RTL4: variants seen among roughly 807,000 people sequenced by gnomAD.
The protein encoded by RTL4 is retrotransposon Gag like 4.
A neutral mutation model predicts 5.3 loss-of-function variants in RTL4; 4 were observed. That is an observed-to-expected ratio of 0.75 (90% CI 0.37 to 1.72). RTL4 has a LOEUF of 1.72. Ranked by LOEUF, RTL4 falls within the 40% of genes most tolerant of loss-of-function variation. RTL4 has a pLI of 0.04. For synonymous variants in RTL4, 98 were observed against 87.3 expected (o/e 1.12, Z -0.68); for missense variants, 260 against 227.1 (o/e 1.14, Z -0.93).
At chrX:112,178,259 C>A in the RTL4 span, among the ~76,000 whole-genome samples, 1 of 111,567 alleles carries the variant, frequency 9.0e-6, no homozygotes, top group African/African-American at 3.3e-5. Flanking sequence ...AAGAGCCCAG[C>A]CCCATGTAAG....
At chrX:112,369,365 T>G in the RTL4 span, among the ~76,000 whole-genome samples, 1 of 111,687 alleles carries the variant, frequency 9.0e-6, no homozygotes, top group South Asian at 3.8e-4. Context: ...CCCTCAGGCT[T>G]GGACTATCCA....
chrX:112,153,685 A>G, the RTL4 span, among the ~76,000 whole-genome samples: 14 of 111,676 alleles, frequency 1.3e-4, no homozygotes, highest in African/African-American at 2.6e-4. Flanking sequence ...TGGCTGTTTC[A>G]GTATAGAATG....
At chrX:112,263,369 A>G in the RTL4 span, among the ~76,000 whole-genome samples, 1 of 110,713 alleles carries the variant, frequency 9.0e-6, no homozygotes, top group African/African-American at 3.3e-5. Context: ...ATGAATGGCC[A>G]GAAAATGAGC....
At chrX:112,457,441 G>T (rs1258949400), downstream of RTL4, among the ~76,000 whole-genome samples, 1 of 111,438 alleles carries the variant, frequency 9.0e-6, no homozygotes, top group Non-Finnish European at 1.9e-5. Flanking sequence ...GCTATTGAAC[G>T]TAGAGTGACT....
the RTL4 span, among the ~76,000 whole-genome samples, chrX:112,120,522 C>G: frequency 5.5e-5 from 6 of 109,518 alleles, no homozygotes; most frequent in African/African-American, 2.0e-4. Context: ...GTGATCTGCC[C>G]ACCTTGGCCT....
chrX:112,175,776 C>G, the RTL4 span, among the ~76,000 whole-genome samples: 1 of 111,071 alleles, frequency 9.0e-6, no homozygotes, highest in African/African-American at 3.3e-5. Flanking sequence ...CAATATCATA[C>G]TGAATGGGCA....
the RTL4 span, among the ~76,000 whole-genome samples, chrX:112,403,025 A>G: frequency 8.9e-6 from 1 of 111,916 alleles, no homozygotes; most frequent in South Asian, 3.7e-4. Flanking sequence ...AGGCTTCTGA[A>G]ATCACACTTT....
At chrX:112,124,569 C>T in the RTL4 span, among the ~76,000 whole-genome samples, 38 of 109,825 alleles carry the variant, frequency 3.5e-4, no homozygotes, top group African/African-American at 9.6e-4. Context: ...CAAAATAAGA[C>T]GGGAACAGAA....
At chrX:112,422,509 G>A in the RTL4 span, among the ~76,000 whole-genome samples, 1 of 110,710 alleles carries the variant, frequency 9.0e-6, no homozygotes, top group South Asian at 3.8e-4. Context: ...AGCAAAGGGG[G>A]GGTTCCTTCC....
At chrX:112,259,698 C>G in the RTL4 span, among the ~76,000 whole-genome samples, 5 of 111,133 alleles carry the variant, frequency 4.5e-5, no homozygotes, top group Non-Finnish European at 9.5e-5. Context: ...ATTCCAATCT[C>G]TAGTTCAAGA....
the RTL4 span, among the ~76,000 whole-genome samples, chrX:112,318,321 T>C: frequency 3.6e-5 from 4 of 111,858 alleles, no homozygotes; most frequent in East Asian, 1.1e-3. Flanking sequence ...AAGTTCCTTT[T>C]ACTCCCTATG....
At chrX:112,312,618 T>C in the RTL4 span, among the ~76,000 whole-genome samples, 89 of 111,527 alleles carry the variant, frequency 8.0e-4, no homozygotes, top group African/African-American at 2.9e-3. Flanking sequence ...GTGTTACAAT[T>C]AGAGGAACAC....
At chrX:112,320,879 A>C in the RTL4 span, among the ~76,000 whole-genome samples, 2 of 111,898 alleles carry the variant, frequency 1.8e-5, no homozygotes, top group African/African-American at 6.5e-5. Context: ...ACATTTCCAT[A>C]TATTTATGTA....
At chrX:112,252,644 G>C in the RTL4 span, among the ~76,000 whole-genome samples, 1 of 111,102 alleles carries the variant, frequency 9.0e-6, no homozygotes, top group Non-Finnish European at 1.9e-5. Context: ...CAAATCGTCT[G>C]GCTATAGTGC....
the RTL4 span, among the ~76,000 whole-genome samples, chrX:112,126,472 AC>A: frequency 2.7e-5 from 3 of 112,267 alleles, no homozygotes; most frequent in African/African-American, 9.7e-5. Flanking sequence ...ATTATAAAAG[AC>A]AGATCTCAAA....
At chrX:112,254,029 G>A in the RTL4 span, among the ~76,000 whole-genome samples, 1 of 111,847 alleles carries the variant, frequency 8.9e-6, no homozygotes, top group South Asian at 3.7e-4. Flanking sequence ...CTTTCCCAAT[G>A]TGTCTCAAAT....
the RTL4 span, among the ~76,000 whole-genome samples, chrX:112,432,346 A>C: frequency 1.1e-5 from 1 of 88,152 alleles, no homozygotes; most frequent in African/African-American, 4.5e-5. Context: ...CAGTCCCACC[A>C]ACAGTGTAAA....
the RTL4 span, among the ~76,000 whole-genome samples, chrX:112,413,615 A>G: frequency 9.0e-6 from 1 of 111,544 alleles, no homozygotes; most frequent in Non-Finnish European, 1.9e-5. Flanking sequence ...CAAACTTTGC[A>G]TGTTCTCATT....
chrX:112,163,432 A>G, the RTL4 span, among the ~76,000 whole-genome samples: 3 of 110,921 alleles, frequency 2.7e-5, no homozygotes, highest in African/African-American at 9.9e-5. Flanking sequence ...TCTGAGTCCA[A>G]TCTCATCTCT....
Sources: allele counts gnomAD v4.1 joint callset (sites outside exome capture counted in the v4.1 genomes callset), GRCh38; gene constraint gnomAD v4.1.1; transcripts MANE v1.5; gene names NCBI Gene and HGNC (gene_info 2026-07-23, HGNC 2026-07-21).